Variants in RNF220 observed in about 807,000 individuals in gnomAD.
RNF220 encodes E3 ubiquitin-protein ligase RNF220.
RNF220 carries 7 observed loss-of-function variants against 67.1 expected under a neutral mutation model. The ratio of observed to expected loss-of-function variants is 0.10; its 90% CI spans 0.06 to 0.20. The LOEUF (loss-of-function observed/expected upper bound fraction) is 0.20. RNF220 is among the 10% of genes least tolerant of loss of function. The pLI, the probability that RNF220 is intolerant of heterozygous loss-of-function variation, is 1.00. For synonymous variants in RNF220, 270 were observed against 283.2 expected (o/e 0.95, Z 0.47); for missense variants, 565 against 740.3 (o/e 0.76, Z 2.75).
chr1:44,650,410 C>A lies in RNF220; in HGVS notation c.1630-294C>A. On this transcript the variant is annotated intron_variant, in intron 14 of 14. Coordinates refer to ENST00000361799, the MANE Select transcript of RNF220 (RefSeq NM_018150.4). The surrounding 1 kb of genome is among the most constrained non-coding windows in gnomAD (Gnocchi z 4.3). ...TCGGACGTGGGCTCTGTGTCCTGAT[C>A]AAAGGCCGCGTGTAATCTCGTTAGG... 2.0e-6 allele frequency: 1 copy of A among 510,738 alleles called. No individual in the cohort carries two copies. Among genetic ancestry groups the A allele is most frequent in the Non-Finnish European group, 3.6e-6 (1 of 280,720 alleles). The allele number at this position is 510,738 out of a possible 1,614,324, so 31.6% of individuals were successfully genotyped here.
At chr1:44,457,749 G>A (rs1362585472) in intron 2 of RNF220, among the ~76,000 whole-genome samples, 2 of 152,138 alleles carry the variant, frequency 1.3e-5, no homozygotes, top group Non-Finnish European at 2.9e-5. Context: ...CTACTAGGTT[G>A]CTTAATCAAA....
intron 1 of RNF220, chr1:44,408,920 C>A (rs374823684): frequency 1.3e-5 from 2 of 152,264 alleles, no homozygotes; most frequent in African/African-American, 4.8e-5. Context: ...TCAGGAAGCC[C>A]AGACCTTGGA....
Position 44,495,725 on chromosome 1 carries a change from C to T in RNF220, c.625+83003C>T, listed in dbSNP as rs1022845204. Among the ~76,000 whole-genome samples the T allele has an allele frequency of 2.6e-4, 40 of 152,202 alleles. 1 individual carries two copies. The highest frequency in any genetic ancestry group is 2.4e-3 in the Admixed American group (36 of 15,278). ...CTGGGATTACAGACATTAGCCACAG[C>T]GCCTGGCCTGACAAAGAGCTTTCTA... On this transcript the variant is annotated intron_variant, in intron 2 of 14. Transcript: ENST00000361799.
rs1257171654 is a variant in RNF220, at chr1:44,412,496, G to A, written c.399G>A (p.Gln133=). Reference sequence around the variant, plus strand: ...CCACCGAGGACCGGGAGAGCTATCAGTCAGCCTTTACGCCGGCCAAGCGAC... The same window carrying A: ...CCACCGAGGACCGGGAGAGCTATCAATCAGCCTTTACGCCGGCCAAGCGAC... The part of the protein sequence containing the change: ...FASTEDRESY[Q]SAFTPAKRLK... Residue 133 remains glutamine (Q), a synonymous_variant, in exon 2 of 15, where the codon CAG becomes CAA. Transcript: ENST00000361799. This position sits in a 1 kb window ranked among gnomAD's most constrained non-coding sequence, Gnocchi z 5.3. 1 of 1,612,828 alleles carries A rather than the reference G, an allele frequency of 6.2e-7. No individual in the cohort carries two copies. Among genetic ancestry groups the A allele is most frequent in the Non-Finnish European group, 8.5e-7 (1 of 1,179,024 alleles).
chr1:44,425,683 G>A (rs763190361), intron 2 of RNF220, among the ~76,000 whole-genome samples: 5 of 152,196 alleles, frequency 3.3e-5, no homozygotes, highest in Non-Finnish European at 5.9e-5. Context: ...TATATAAAAT[G>A]GGAGATGGTA....
chr1:44,419,112 C>T (rs899435381), intron 2 of RNF220, among the ~76,000 whole-genome samples: 2 of 152,050 alleles, frequency 1.3e-5, no homozygotes. Context: ...CATTTTATCC[C>T]GTCTTAAAGA....
intron 2 of RNF220, among the ~76,000 whole-genome samples, chr1:44,569,800 G>C (rs1664302231): frequency 6.6e-6 from 1 of 152,222 alleles, no homozygotes; most frequent in South Asian, 2.1e-4. Flanking sequence ...GGAGACAAAA[G>C]GGGCATTTCT....
At chr1:44,620,093 A>C (rs1643730970) in intron 3 of RNF220, among the ~76,000 whole-genome samples, 1 of 152,218 alleles carries the variant, frequency 6.6e-6, no homozygotes, top group Non-Finnish European at 1.5e-5. Flanking sequence ...AAAGCAAAGA[A>C]AAAGAACTGG....
chr1:44,405,198 T>TGTGTGTGTGCGCGC, upstream of RNF220: 1 of 328,706 alleles, frequency 3.0e-6, no homozygotes, highest in Non-Finnish European at 5.5e-6. Flanking sequence ...AATGTGTGCG[T>TGTGTGTGTGCGCGC]GCGTGTGTGT....
chr1:44,439,154 T>C (rs1651295343), intron 2 of RNF220, among the ~76,000 whole-genome samples: 1 of 152,270 alleles, frequency 6.6e-6, no homozygotes, highest in Admixed American at 6.5e-5. Flanking sequence ...AAGGTAGGCA[T>C]ATTTAAATCT....
At chr1:44,431,059 C>T (rs1345790305) in intron 2 of RNF220, among the ~76,000 whole-genome samples, 2 of 152,080 alleles carry the variant, frequency 1.3e-5, no homozygotes, top group African/African-American at 2.4e-5. Flanking sequence ...TGTGTGTGTG[C>T]GTTGACAAAA....
At chr1:44,500,045 C>A (rs1003219639) in intron 2 of RNF220, among the ~76,000 whole-genome samples, 1 of 152,180 alleles carries the variant, frequency 6.6e-6, no homozygotes, top group African/African-American at 2.4e-5. Flanking sequence ...TATCTCTCAC[C>A]TAGACAATTT....
chr1:44,640,559 T>C (rs1644457884), intron 8 of RNF220, among the ~76,000 whole-genome samples: 1 of 152,218 alleles, frequency 6.6e-6, no homozygotes, highest in Admixed American at 6.5e-5. Flanking sequence ...ACGGCGTCTG[T>C]CTCTCTGCGT....
chr1:44,615,947 A>T (rs1439711008), intron 3 of RNF220, among the ~76,000 whole-genome samples: 1 of 152,192 alleles, frequency 6.6e-6, no homozygotes, highest in African/African-American at 2.4e-5. Context: ...TGCAGTCAAG[A>T]TGTCAACCAA....
At chr1:44,430,192 G>A (rs554192504) in intron 2 of RNF220, among the ~76,000 whole-genome samples, 1 of 152,202 alleles carries the variant, frequency 6.6e-6, no homozygotes, top group South Asian at 2.1e-4. Flanking sequence ...TGGGAAGTAT[G>A]ACTAGGTAGG....
intron 2 of RNF220, among the ~76,000 whole-genome samples, chr1:44,537,733 G>C (rs1217160300): frequency 6.6e-6 from 1 of 152,098 alleles, no homozygotes; most frequent in Non-Finnish European, 1.5e-5. Context: ...TTTCCATCCT[G>C]ACCCACCTCG....
intron 2 of RNF220, among the ~76,000 whole-genome samples, chr1:44,415,913 A>G (rs1379514443): frequency 5.3e-5 from 8 of 152,262 alleles, no homozygotes; most frequent in Admixed American, 4.6e-4. Flanking sequence ...ACATGGTGTA[A>G]TGCACACATG....
chr1:44,412,633 T>A lies in RNF220; in HGVS notation c.536T>A (p.Val179Asp), dbSNP rs1648081739. 19 of 1,614,038 alleles carry A rather than the reference T, an allele frequency of 1.2e-5. No homozygotes were observed. Among genetic ancestry groups the A allele is most frequent in the Non-Finnish European group, 1.4e-5 (17 of 1,180,046 alleles). Residue 179 changes from valine to aspartate, a missense_variant, in exon 2 of 15, where the codon GTT becomes GAT. Val to Asp is a radical substitution (Grantham distance 152, BLOSUM62 -3). Coordinates refer to ENST00000361799, the MANE Select transcript of RNF220 (RefSeq NM_018150.4). The surrounding 1 kb of genome is among the most constrained non-coding windows in gnomAD (Gnocchi z 5.3). ...TCTAGCTCCCCCGGTTCACTAAAGG[T>A]TGATGACACTGGGAAGAAGATTTTT... ...LPSSSPGSLK[V>D]DDTGKKIFAV... is the part of the protein sequence containing the mutation.
chr1:44,635,299 A>T, intron 6 of RNF220: 2 of 519,434 alleles, frequency 3.9e-6, no homozygotes, highest in Non-Finnish European at 6.9e-6. Flanking sequence ...TAGACCTTGC[A>T]CCAGCTGCAG....
Sources: allele counts gnomAD v4.1 joint callset (sites outside exome capture counted in the v4.1 genomes callset), GRCh38; gene constraint gnomAD v4.1.1; non-coding constraint Gnocchi (gnomAD v3.1); transcripts MANE v1.5; gene names NCBI Gene and HGNC (gene_info 2026-07-23, HGNC 2026-07-21).